Variants in PCDH15 observed in about 807,000 individuals in gnomAD.
PCDH15 encodes the protein protocadherin-15.
PCDH15 carries 129 observed loss-of-function variants against 178.5 expected under a neutral mutation model. That is an observed-to-expected ratio of 0.72 (90% CI 0.63 to 0.84). The LOEUF (loss-of-function observed/expected upper bound fraction) is 0.84, where lower values mean the gene tolerates loss of function less well. Ranked by LOEUF, PCDH15 falls within the 40% of genes least tolerant of loss-of-function variation. PCDH15 has a pLI of 0.00. For synonymous variants in PCDH15, 800 were observed against 732.0 expected, an observed-to-expected ratio of 1.09 and a Z score of -1.50; for missense variants, 2,230 against 2,099.9, an observed-to-expected ratio of 1.06 and a Z score of -1.21.
At chr10:55,005,187 T>C (rs2131935588) in intron 2 of PCDH15, among the ~76,000 whole-genome samples, 1 of 90,654 alleles carries the variant, frequency 1.1e-5, no homozygotes, top group East Asian at 3.4e-4. Flanking sequence ...GTCTGGGTAA[T>C]ATAGTGAGAC....
intron 2 of PCDH15, among the ~76,000 whole-genome samples, chr10:54,997,040 T>G (rs543365572): frequency 5.1e-4 from 76 of 148,216 alleles, no homozygotes; most frequent in Non-Finnish European, 8.8e-4. Context: ...AGCCTGGAGG[T>G]GGAGGTTGCA....
intron 1 of PCDH15, among the ~76,000 whole-genome samples, chr10:55,257,100 T>C (rs1480274336): frequency 1.3e-5 from 2 of 152,180 alleles, no homozygotes; most frequent in East Asian, 3.9e-4. Context: ...CGCTGCTGAA[T>C]ACCCAGGCAA....
chr10:54,891,796 G>T (rs1051604258), intron 3 of PCDH15, among the ~76,000 whole-genome samples: 15 of 152,110 alleles, frequency 9.9e-5, no homozygotes, highest in Non-Finnish European at 2.1e-4. Context: ...AGGTGGTTTT[G>T]AAGAAGGCTG....
At chr10:54,819,542 A>G (rs1247055389) in intron 3 of PCDH15, among the ~76,000 whole-genome samples, 1 of 152,014 alleles carries the variant, frequency 6.6e-6, no homozygotes, top group African/African-American at 2.4e-5. Context: ...ATATCTTATT[A>G]TCAAGGGTTA....
At chr10:55,360,945 C>T (rs1008238380) in intron 2 of PCDH15, among the ~76,000 whole-genome samples, 14 of 151,836 alleles carry the variant, frequency 9.2e-5, no homozygotes, top group African/African-American at 3.4e-4. Context: ...AATACGTATT[C>T]AGAATAAACT....
intron 2 of PCDH15, among the ~76,000 whole-genome samples, chr10:54,577,868 A>G (rs2090659087): frequency 6.6e-6 from 1 of 150,640 alleles, no homozygotes; most frequent in East Asian, 2.0e-4. Flanking sequence ...ATAAATAAAT[A>G]AATAAATAAA....
At position 55,441,086 on chromosome 10, in the gene PCDH15, T is replaced by A. The variant is rs150094895; in HGVS notation, c.-156+186539A>T. 3.8e-4 allele frequency among the ~76,000 whole-genome samples: 58 copies of A among 152,302 alleles called. No homozygotes were observed. In the East Asian group the frequency reaches 7.7e-3, roughly 20 times the overall value. On this transcript the variant is annotated intron_variant, in intron 2 of 5. Transcript: ENST00000613346. ...GACACAGCCAAACCATATCAGGGCA[T>A]AAAACATTACTCTAAGAATGTAATT...
chr10:55,192,391 T>G (rs1839967243), intron 1 of PCDH15, among the ~76,000 whole-genome samples: 1 of 151,722 alleles, frequency 6.6e-6, no homozygotes, highest in African/African-American at 2.4e-5. Flanking sequence ...TGCCCTATAC[T>G]CCCATATAAA....
chr10:55,152,191 GA>G (rs1176656223), intron 2 of PCDH15, among the ~76,000 whole-genome samples: 1 of 152,058 alleles, frequency 6.6e-6, no homozygotes, highest in Non-Finnish European at 1.5e-5. Flanking sequence ...TTCATAAACT[GA>G]ATATAACATC....
chr10:54,731,625 A>G (rs1030983622), intron 1 of PCDH15, among the ~76,000 whole-genome samples: 4 of 147,114 alleles, frequency 2.7e-5, no homozygotes, highest in Non-Finnish European at 4.5e-5. Flanking sequence ...GTTAAGTCAT[A>G]CAAGAGAATG....
chr10:55,338,882 A>G (rs1411210133), intron 2 of PCDH15, among the ~76,000 whole-genome samples: 1 of 152,194 alleles, frequency 6.6e-6, no homozygotes, highest in African/African-American at 2.4e-5. Flanking sequence ...CAGGCACCGT[A>G]AAACAAATGT....
chr10:54,360,030 T>A (rs1945745829), intron 5 of PCDH15, among the ~76,000 whole-genome samples: 1 of 152,092 alleles, frequency 6.6e-6, no homozygotes, highest in South Asian at 2.1e-4. Flanking sequence ...AGAACTGATG[T>A]TTATGTTTTC....
chr10:54,471,991 C>G (rs2077950865), intron 3 of PCDH15, among the ~76,000 whole-genome samples: 1 of 151,902 alleles, frequency 6.6e-6, no homozygotes. Flanking sequence ...GCACAAATTA[C>G]TTTTTAGCAT....
rs58429895 is a variant in PCDH15, at chr10:54,194,650, C to CTCTATCTATCTATCTATCTA, written c.1305+1013_1305+1032dup. On this transcript the variant is annotated intron_variant, in intron 11 of 37. Coordinates refer to ENST00000644397, the MANE Select transcript of PCDH15 (RefSeq NM_001384140.1). ...TGTGTATGTATACCTGTGTATATAT[C>CTCTATCTATCTATCTATCTA]TCTATCTATCTATCTATCTATCTAT... is the stretch of plus-strand genomic sequence containing the variant. Among the ~76,000 whole-genome samples, 295 of 147,996 alleles carry CTCTATCTATCTATCTATCTA rather than the reference C, an allele frequency of 2.0e-3. 1 individual carries two copies. The highest frequency in any genetic ancestry group is 3.5e-3 in the Middle Eastern group (1 of 286).
intron 2 of PCDH15, among the ~76,000 whole-genome samples, chr10:55,325,834 A>T (rs1166910619): frequency 9.9e-5 from 15 of 152,130 alleles, no homozygotes; most frequent in African/African-American, 3.1e-4. Flanking sequence ...ATATTTGCAA[A>T]CTATGTTGTC....
intron 2 of PCDH15, among the ~76,000 whole-genome samples, chr10:54,928,269 C>G (rs1217437933): frequency 6.6e-6 from 1 of 152,144 alleles, no homozygotes; most frequent in African/African-American, 2.4e-5. Flanking sequence ...GGACCCCAAT[C>G]TCTTCTGACT....
intron 5 of PCDH15, among the ~76,000 whole-genome samples, chr10:54,354,962 G>A (rs1005938429): frequency 6.6e-6 from 1 of 151,878 alleles, no homozygotes. Context: ...GATAGATTCA[G>A]AGGTAATGTT....
At chr10:55,083,004 TC>T (rs1277185431) in intron 2 of PCDH15, among the ~76,000 whole-genome samples, 1 of 151,868 alleles carries the variant, frequency 6.6e-6, no homozygotes, top group African/African-American at 2.4e-5. Flanking sequence ...CTCAAACTAT[TC>T]CTAAAAATGA....
At chr10:55,015,429 A>C (rs1030161316) in intron 2 of PCDH15, among the ~76,000 whole-genome samples, 2 of 151,974 alleles carry the variant, frequency 1.3e-5, no homozygotes, top group African/African-American at 2.4e-5. Flanking sequence ...TATAAAACAC[A>C]ATCAACCCAC....
Sources: gnomAD v4.1 joint callset for allele counts (sites outside exome capture counted in the v4.1 genomes callset) on GRCh38, gnomAD v4.1.1 for gene constraint, MANE v1.5 for transcripts, NCBI Gene and HGNC (gene_info 2026-07-23, HGNC 2026-07-21) for gene names.